SCAMP1: variants seen among roughly 807,000 people sequenced by gnomAD.
SCAMP1 encodes secretory carrier-associated membrane protein 1.
SCAMP1 carries 15 observed loss-of-function variants against 41.8 expected under a neutral mutation model. That is an observed-to-expected ratio of 0.36 (90% CI 0.24 to 0.55). The LOEUF (loss-of-function observed/expected upper bound fraction) is 0.55, where lower values mean the gene tolerates loss of function less well. SCAMP1 is among the 20% of genes least tolerant of loss of function. The pLI is 0.86. For missense variants in SCAMP1, 341 were observed against 412.6 expected, an observed-to-expected ratio of 0.83 and a Z score of 1.50; for synonymous variants, 135 against 136.8, an observed-to-expected ratio of 0.99 and a Z score of 0.09.
chr5:78,448,359 G>A (rs979551401), intron 6 of SCAMP1, among the ~76,000 whole-genome samples: 1 of 149,216 alleles, frequency 6.7e-6, no homozygotes, highest in Non-Finnish European at 1.5e-5. Context: ...AGAATGAAAA[G>A]ACAAGCAACA....
intron 6 of SCAMP1, among the ~76,000 whole-genome samples, chr5:78,431,989 G>A (rs1752636607): frequency 6.6e-6 from 1 of 151,934 alleles, no homozygotes; most frequent in South Asian, 2.1e-4. Flanking sequence ...TACTCTTTTA[G>A]TTATTTTAAA....
At chr5:78,405,897 A>G (rs1165715750) in intron 2 of SCAMP1, among the ~76,000 whole-genome samples, 1 of 152,238 alleles carries the variant, frequency 6.6e-6, no homozygotes, top group African/African-American at 2.4e-5. Flanking sequence ...ACCTTATTTT[A>G]AAGTGATTAG....
chr5:78,376,182 A>G (rs1751060317), intron 1 of SCAMP1, among the ~76,000 whole-genome samples: 1 of 152,018 alleles, frequency 6.6e-6, no homozygotes. Flanking sequence ...GTCTCTCTTT[A>G]TTTCTAGCCG....
intron 2 of SCAMP1, among the ~76,000 whole-genome samples, chr5:78,392,016 A>T (rs1205735231): frequency 1.8e-5 from 2 of 109,142 alleles, no homozygotes; most frequent in African/African-American, 6.9e-5. Context: ...GGAGAGGGAG[A>T]GGGAGAGAGA....
chr5:78,419,985 AT>A lies in SCAMP1; in HGVS notation c.472+1085del, dbSNP rs1176677558. On this transcript the variant is annotated intron_variant, in intron 5 of 8. Coordinates refer to ENST00000621999, the MANE Select transcript of SCAMP1 (RefSeq NM_004866.6). ...TATATGTACATGCTAACCAACTCTT[AT>A]TTAATCAATATAATATATGCATTTA... is the stretch of plus-strand genomic sequence containing the variant. Among the ~76,000 whole-genome samples, 9 of 152,252 alleles carry A rather than the reference AT, an allele frequency of 5.9e-5. No homozygotes were observed. In the South Asian group the frequency reaches 1.9e-3, roughly 32 times the overall value.
rs374835861 is a variant in SCAMP1, at chr5:78,397,561, CA to C, written c.135+8648del. ...AGCTCACAGAATGGGAAAATGTTTGCAGATCACATATTTGATAAAAGACTTG... is the reference window on the plus strand; with the variant it reads ...AGCTCACAGAATGGGAAAATGTTTGCGATCACATATTTGATAAAAGACTTG... On this transcript the variant is annotated intron_variant, in intron 2 of 8. Coordinates refer to ENST00000621999, the MANE Select transcript of SCAMP1 (RefSeq NM_004866.6). 5.7e-4 allele frequency among the ~76,000 whole-genome samples: 87 copies of C among 152,234 alleles called. 2 individuals are homozygous for C. In the South Asian group the frequency reaches 0.018, roughly 31 times the overall value.
intron 7 of SCAMP1, among the ~76,000 whole-genome samples, chr5:78,458,482 G>T (rs186888648): frequency 1.3e-5 from 2 of 152,108 alleles, no homozygotes; most frequent in African/African-American, 2.4e-5. Context: ...TTTGTATTCT[G>T]TTGAGCTTTG....
At chr5:78,433,246 G>T (rs1224472586) in intron 6 of SCAMP1, among the ~76,000 whole-genome samples, 2 of 152,094 alleles carry the variant, frequency 1.3e-5, no homozygotes, top group African/African-American at 2.4e-5. Flanking sequence ...TGATTGCTTT[G>T]TCTCTACATA....
intron 6 of SCAMP1, among the ~76,000 whole-genome samples, chr5:78,437,707 G>A (rs538942773): frequency 1.1e-3 from 169 of 152,272 alleles, no homozygotes; most frequent in Admixed American, 1.8e-3. Context: ...AGGCTTTGGT[G>A]TCAGGATGAT....
At chr5:78,423,016 GCACACACA>G (rs57059961) in intron 6 of SCAMP1, among the ~76,000 whole-genome samples, 346 of 33,400 alleles carry the variant, frequency 0.01, 1 homozygote, top group East Asian at 0.022. Flanking sequence ...ACGCGCGCGC[GCACACACA>G]CACACACACA....
Position 78,391,921 on chromosome 5 carries a change from C to T in SCAMP1, c.135+3007C>T, listed in dbSNP as rs1366990825. ...ACTCGGCAGGCTGAGGCAGGAGAATCAGGCAGGGAGGTTGCAGTGAGCCGA... is the reference window on the plus strand; with the variant it reads ...ACTCGGCAGGCTGAGGCAGGAGAATTAGGCAGGGAGGTTGCAGTGAGCCGA... On this transcript the variant is annotated intron_variant, in intron 2 of 8. Transcript: ENST00000621999. 2.0e-5 allele frequency among the ~76,000 whole-genome samples: 3 copies of T among 152,180 alleles called. No individual in the cohort carries two copies. In the East Asian group the frequency reaches 5.8e-4, roughly 29 times the overall value.
At position 78,421,805 on chromosome 5, in the gene SCAMP1, T is replaced by G; in HGVS notation, c.477T>G (p.His159Gln). ...VKLMYYLWMF[H>Q]AVTLFLNIFG... is the part of the protein sequence containing the mutation. ...TTTTGTTTTCTGATTCCACAGTCCATGCAGTAACACTGTTTCTAAATATCT... is the reference window on the plus strand; with the variant it reads ...TTTTGTTTTCTGATTCCACAGTCCAGGCAGTAACACTGTTTCTAAATATCT... The change falls in exon 6 of 9, where the codon CAT becomes CAG. Residue 159 changes from histidine (H) to glutamine (Q), a missense_variant. Physicochemically the swap from His to Gln is conservative, Grantham distance 24 (BLOSUM62 0). Transcript: ENST00000621999. 1 of 1,613,356 alleles carries G rather than the reference T, an allele frequency of 6.2e-7. No individual in the cohort carries two copies. Among genetic ancestry groups the G allele is most frequent in the Non-Finnish European group, 8.5e-7 (1 of 1,179,512 alleles).
chr5:78,409,501 A>G (rs1308615151), intron 2 of SCAMP1, among the ~76,000 whole-genome samples: 2 of 152,110 alleles, frequency 1.3e-5, no homozygotes, highest in Non-Finnish European at 2.9e-5. Context: ...ACTGGGAACC[A>G]TCATCACAAT....
intron 2 of SCAMP1, among the ~76,000 whole-genome samples, chr5:78,400,329 A>G (rs1751766625): frequency 6.6e-6 from 1 of 152,078 alleles, no homozygotes; most frequent in Non-Finnish European, 1.5e-5. Context: ...TTCTCTTTCC[A>G]TATTGTGTTG....
intron 8 of SCAMP1, among the ~76,000 whole-genome samples, chr5:78,473,311 ATTAAC>A (rs1453001340): frequency 6.6e-6 from 1 of 152,082 alleles, no homozygotes; most frequent in Non-Finnish European, 1.5e-5. Flanking sequence ...ATTTTCATGC[ATTAAC>A]TTGCTTTCTT....
intron 1 of SCAMP1, among the ~76,000 whole-genome samples, chr5:78,379,432 T>C (rs189442900): frequency 2.6e-5 from 4 of 152,196 alleles, no homozygotes; most frequent in Non-Finnish European, 5.9e-5. Context: ...TTCAGAGATA[T>C]CAGTTCTTTA....
At chr5:78,378,356 A>G (rs1198745421) in intron 1 of SCAMP1, among the ~76,000 whole-genome samples, 1 of 152,210 alleles carries the variant, frequency 6.6e-6, no homozygotes, top group East Asian at 1.9e-4. Context: ...TGATTGAGTC[A>G]ATCTCCTTAT....
chr5:78,424,837 G>C (rs901722897), intron 6 of SCAMP1, among the ~76,000 whole-genome samples: 11 of 152,204 alleles, frequency 7.2e-5, no homozygotes, highest in African/African-American at 2.7e-4. Context: ...TAACAAGGCA[G>C]CATTATTGTT....
intron 8 of SCAMP1, among the ~76,000 whole-genome samples, chr5:78,465,417 G>T (rs183361585): frequency 1.3e-5 from 2 of 152,304 alleles, no homozygotes; most frequent in South Asian, 2.1e-4. Flanking sequence ...CAAGCTGCGT[G>T]AGAGTGGAGA....
Sources: gnomAD v4.1 joint callset for allele counts (sites outside exome capture counted in the v4.1 genomes callset) on GRCh38, gnomAD v4.1.1 for gene constraint, MANE v1.5 for transcripts, NCBI Gene and HGNC (gene_info 2026-07-23, HGNC 2026-07-21) for gene names.